Variants in UBE3D observed in about 807,000 individuals in gnomAD.
The protein encoded by UBE3D is E3 ubiquitin-protein ligase E3D.
A neutral mutation model predicts 49.6 loss-of-function variants in UBE3D; 48 were observed. That is an observed-to-expected ratio of 0.97 (90% CI 0.77 to 1.23). The LOEUF (loss-of-function observed/expected upper bound fraction) is 1.23. UBE3D is among the 50% of genes most tolerant of loss of function. The pLI, the probability that UBE3D is intolerant of heterozygous loss-of-function variation, is 0.00. For missense variants in UBE3D, 452 were observed against 468.4 expected, an observed-to-expected ratio of 0.96 and a Z score of 0.32; for synonymous variants, 189 against 174.2, an observed-to-expected ratio of 1.08 and a Z score of -0.67.
chr6:82,936,408 T>C (rs960827755), intron 9 of UBE3D, among the ~76,000 whole-genome samples: 1 of 152,156 alleles, frequency 6.6e-6, no homozygotes, highest in African/African-American at 2.4e-5. Flanking sequence ...CAAATGATTT[T>C]CAAGCTGAAG....
chr6:82,935,389 A>G (rs1774492949), intron 9 of UBE3D, among the ~76,000 whole-genome samples: 1 of 152,106 alleles, frequency 6.6e-6, no homozygotes, highest in South Asian at 2.1e-4. Flanking sequence ...CACCTCCAAA[A>G]TCTTGGATTA....
At chr6:83,001,403 T>G (rs1779626117) in intron 8 of UBE3D, among the ~76,000 whole-genome samples, 1 of 152,222 alleles carries the variant, frequency 6.6e-6, no homozygotes, top group African/African-American at 2.4e-5. Context: ...ATACCTGAAG[T>G]TGAAAACTTT....
chr6:82,913,739 C>CAAAAT (rs1408906061), intron 9 of UBE3D, among the ~76,000 whole-genome samples: 17 of 152,214 alleles, frequency 1.1e-4, no homozygotes, highest in African/African-American at 4.1e-4. Context: ...TGGATCAAAA[C>CAAAAT]AAAATAAAAC....
In UBE3D at chr6:82,957,078, G is replaced by A. The variant is rs564416665; in HGVS notation, c.1149+234C>T. ...TGGGAGGCGGAGGCTGCTGTGAGCC[G>A]AGATTGCACCACTTCACTCCAGCCT... is the stretch of plus-strand genomic sequence containing the variant. On this transcript the variant is annotated intron_variant, in intron 9 of 9. Coordinates refer to ENST00000369747, the MANE Select transcript of UBE3D (RefSeq NM_198920.3). Among the ~76,000 whole-genome samples, 5 of 152,146 alleles carry A rather than the reference G, an allele frequency of 3.3e-5. No individual in the cohort carries two copies. In the South Asian group the frequency reaches 1.0e-3, roughly 32 times the overall value.
chr6:83,005,199 T>G (rs1484308690), intron 8 of UBE3D, among the ~76,000 whole-genome samples: 1 of 151,972 alleles, frequency 6.6e-6, no homozygotes, highest in Non-Finnish European at 1.5e-5. Context: ...TCTCCAAAAA[T>G]GATATACAAA....
In UBE3D at chr6:82,892,877, A is replaced by T; in HGVS notation, c.*145T>A. 1.0e-6 allele frequency: 1 copy of T among 953,800 alleles called. No homozygotes were observed. Among genetic ancestry groups the T allele is most frequent in the Non-Finnish European group, 1.7e-6 (1 of 598,548 alleles). The allele number at this position is 953,800 out of a possible 1,614,324, so 59.1% of individuals were successfully genotyped here. Reference sequence around the variant, plus strand: ...TCTTAGAGAATACATGCAAACAAGTAAACTTAAAACTTCAATGCAATGCTC... The same window carrying T: ...TCTTAGAGAATACATGCAAACAAGTTAACTTAAAACTTCAATGCAATGCTC... On this transcript the variant is annotated 3_prime_UTR_variant, in exon 10 of 10. Coordinates refer to ENST00000369747, the MANE Select transcript of UBE3D (RefSeq NM_198920.3).
At chr6:83,060,657 C>T (rs1232179689) in intron 1 of UBE3D, among the ~76,000 whole-genome samples, 1 of 152,116 alleles carries the variant, frequency 6.6e-6, no homozygotes, top group African/African-American at 2.4e-5. Flanking sequence ...AAACAAAGTT[C>T]CTCAGTAAAA....
Position 82,988,798 on chromosome 6 carries a change from A to T in UBE3D, c.1010+30175T>A, listed in dbSNP as rs193108142. Among the ~76,000 whole-genome samples, 7 of 152,274 alleles carry T rather than the reference A, an allele frequency of 4.6e-5. No individual in the cohort carries two copies. In the East Asian group the frequency reaches 1.4e-3, roughly 29 times the overall value. On this transcript the variant is annotated intron_variant, in intron 8 of 9. Transcript: ENST00000369747. Reference sequence around the variant, plus strand: ...ATATTAAAGGATAAACATTTAGCATAGTTGAACCTAAGGTACAAAGTAAAA... The same window carrying T: ...ATATTAAAGGATAAACATTTAGCATTGTTGAACCTAAGGTACAAAGTAAAA...
At chr6:82,993,853 A>C (rs1258696342) in intron 8 of UBE3D, among the ~76,000 whole-genome samples, 1 of 152,234 alleles carries the variant, frequency 6.6e-6, no homozygotes, top group Non-Finnish European at 1.5e-5. Context: ...CTCTGGACCT[A>C]GGGTTCTCAT....
At chr6:82,892,382 C>G (rs1562056216), downstream of UBE3D, 1 of 155,570 alleles carries the variant, frequency 6.4e-6, no homozygotes, top group Non-Finnish European at 1.4e-5. Context: ...AAGAATAGAA[C>G]AACTCTGTAA....
intron 2 of UBE3D, among the ~76,000 whole-genome samples, chr6:83,056,290 C>T (rs2127846439): frequency 6.6e-6 from 1 of 152,346 alleles, no homozygotes; most frequent in East Asian, 1.9e-4. Flanking sequence ...AAACACTCCA[C>T]TGTGGCTTTC....
At chr6:82,991,088 C>T (rs1215515775) in intron 8 of UBE3D, among the ~76,000 whole-genome samples, 1 of 152,164 alleles carries the variant, frequency 6.6e-6, no homozygotes, top group African/African-American at 2.4e-5. Flanking sequence ...TGTGGGCTCT[C>T]CATAGGCCCT....
intron 8 of UBE3D, among the ~76,000 whole-genome samples, chr6:82,970,561 C>T (rs151015179): frequency 1.6e-3 from 247 of 152,222 alleles, no homozygotes; most frequent in African/African-American, 5.3e-3. Flanking sequence ...GACTCTGGGC[C>T]GGGCGCTGTG....
At chr6:83,014,716 G>A (rs762917153) in intron 8 of UBE3D, among the ~76,000 whole-genome samples, 98 of 152,128 alleles carry the variant, frequency 6.4e-4, no homozygotes, top group Non-Finnish European at 1.0e-3. Flanking sequence ...TTCTCCTTGG[G>A]GAAGGATGGG....
In UBE3D at chr6:82,957,403, A is replaced by T; in HGVS notation, c.1058T>A (p.Leu353Gln). 1 of 1,614,118 alleles carries T rather than the reference A, an allele frequency of 6.2e-7. No individual in the cohort carries two copies. Among genetic ancestry groups the T allele is most frequent in the Non-Finnish European group, 8.5e-7 (1 of 1,180,002 alleles). ...ESDISVHPLTLPSATCLELLL... is the reference protein window; with the variant it reads ...ESDISVHPLTQPSATCLELLL... The stretch of plus-strand genomic sequence containing the variant: ...CAGCTCCAAGCAGGTTGCAGAGGGC[A>T]GGGTTAGCGGGTGGACGCTGATGTC... The change falls in exon 9 of 10, where the codon CTG (leucine) becomes CAG (glutamine). Residue 353 changes from leucine to glutamine, a missense_variant. Physicochemically the swap from Leu to Gln is moderately radical, Grantham distance 113. Transcript: ENST00000369747.
intron 3 of UBE3D, among the ~76,000 whole-genome samples, chr6:83,046,793 T>C (rs1443370620): frequency 6.6e-6 from 1 of 152,156 alleles, no homozygotes; most frequent in Non-Finnish European, 1.5e-5. Context: ...CATATTACTT[T>C]AGGGGATTCA....
intron 1 of UBE3D, among the ~76,000 whole-genome samples, chr6:83,059,122 C>T: frequency 6.6e-6 from 1 of 152,122 alleles, no homozygotes; most frequent in East Asian, 1.9e-4. Flanking sequence ...TAGCTCACTC[C>T]TCTAATCCTA....
intron 9 of UBE3D, among the ~76,000 whole-genome samples, chr6:82,935,577 C>T (rs12195365): frequency 0.14 from 20,791 of 151,990 alleles, 1,452 homozygotes; most frequent in South Asian, 0.16. Flanking sequence ...CTGAGTACTA[C>T]GTAGAATAAG....
chr6:82,969,077 G>C (rs1166253427), intron 8 of UBE3D, among the ~76,000 whole-genome samples: 4 of 152,070 alleles, frequency 2.6e-5, no homozygotes, highest in Admixed American at 6.5e-5. Flanking sequence ...TCTTGTAAAG[G>C]AGATGTTAAA....
Sources: gnomAD v4.1 joint callset for allele counts (sites outside exome capture counted in the v4.1 genomes callset) on GRCh38, gnomAD v4.1.1 for gene constraint, MANE v1.5 for transcripts, NCBI Gene and HGNC (gene_info 2026-07-23, HGNC 2026-07-21) for gene names.